Variants in EML4 observed in about 807,000 individuals in gnomAD.
EML4 encodes the protein EMAP like 4.
In EML4, 72 loss-of-function variants were observed where a neutral mutation model predicts 129.0. The observed-to-expected ratio is 0.56, with a 90% confidence interval of 0.46 to 0.68. The LOEUF (loss-of-function observed/expected upper bound fraction) is 0.68. EML4 is among the 30% of genes least tolerant of loss of function. The pLI, the probability that EML4 is intolerant of heterozygous loss-of-function variation, is 0.00. For synonymous variants in EML4, 532 were observed against 405.0 expected, an observed-to-expected ratio of 1.31 and a Z score of -3.77; for missense variants, 1,363 against 1,190.6, an observed-to-expected ratio of 1.14 and a Z score of -2.13.
chr2:42,328,679 G>T (rs1170931086), intron 21 of EML4, among the ~76,000 whole-genome samples: 3 of 152,116 alleles, frequency 2.0e-5, no homozygotes, highest in Non-Finnish European at 4.4e-5. Context: ...GGCTATTTTG[G>T]TTTTTTATTA....
chr2:42,275,252 TTTTCC>T (rs983305578), intron 6 of EML4, among the ~76,000 whole-genome samples: 2 of 152,200 alleles, frequency 1.3e-5, no homozygotes, highest in African/African-American at 4.8e-5. Context: ...GATATTTTAC[TTTTCC>T]TTTCATACTA....
chr2:42,326,841 C>T (rs1281043424), intron 21 of EML4, among the ~76,000 whole-genome samples: 1 of 152,160 alleles, frequency 6.6e-6, no homozygotes, highest in Non-Finnish European at 1.5e-5. Context: ...GAGATTGTGC[C>T]ACTGCACTCC....
At chr2:42,198,518 G>C (rs1672030036) in intron 1 of EML4, among the ~76,000 whole-genome samples, 2 of 151,994 alleles carry the variant, frequency 1.3e-5, no homozygotes, top group African/African-American at 2.4e-5. Context: ...TGGTCTTATG[G>C]GCAACATAGT....
intron 1 of EML4, among the ~76,000 whole-genome samples, chr2:42,183,031 C>T (rs1344258243): frequency 1.3e-5 from 2 of 152,100 alleles, no homozygotes; most frequent in Non-Finnish European, 1.5e-5. Context: ...TGGTGCACTC[C>T]TGTGATACCA....
intron 1 of EML4, among the ~76,000 whole-genome samples, chr2:42,214,608 A>C (rs1673074786): frequency 6.6e-6 from 1 of 152,204 alleles, no homozygotes; most frequent in South Asian, 2.1e-4. Flanking sequence ...TATATCCAGC[A>C]TTATTGTGGG....
intron 1 of EML4, among the ~76,000 whole-genome samples, chr2:42,227,473 CTTTTTTTTTT>C (rs201223334): frequency 7.5e-6 from 1 of 133,164 alleles, no homozygotes; most frequent in Non-Finnish European, 1.6e-5. Context: ...CCTGTTAAGG[CTTTTTTTTTT>C]TTTTTTTTAA....
At chr2:42,246,448 C>T (rs1040825828) in intron 2 of EML4, among the ~76,000 whole-genome samples, 3 of 152,166 alleles carry the variant, frequency 2.0e-5, no homozygotes, top group African/African-American at 4.8e-5. Flanking sequence ...CTTCCTACTT[C>T]GATGTCAATG....
Position 42,303,312 on chromosome 2 carries a change from C to T in EML4, c.1768-3C>T. The T allele has an allele frequency of 6.2e-7, 1 of 1,613,958 alleles. No homozygotes were observed. The highest frequency in any genetic ancestry group is 1.1e-5 in the South Asian group (1 of 91,046). On this transcript the variant is annotated splice_region_variant and splice_polypyrimidine_tract_variant and intron_variant, in intron 15 of 22. Transcript: ENST00000318522. ...TATAACAATGAGTGTCTTTCATTTT[C>T]AGGGTCATACAGATGAGCTTTGGGG...
chr2:42,224,997 A>G (rs1157842887), intron 1 of EML4, among the ~76,000 whole-genome samples: 2 of 152,222 alleles, frequency 1.3e-5, no homozygotes, highest in Admixed American at 1.3e-4. Flanking sequence ...TATAAGTGGA[A>G]ACATACAACA....
intron 1 of EML4, among the ~76,000 whole-genome samples, chr2:42,212,464 A>G (rs1264765878): frequency 6.6e-6 from 1 of 152,012 alleles, no homozygotes; most frequent in Admixed American, 6.6e-5. Flanking sequence ...TTAAAAGCAA[A>G]CTCGGCAGTA....
At chr2:42,200,137 A>G (rs1572529474) in intron 1 of EML4, among the ~76,000 whole-genome samples, 1 of 140,314 alleles carries the variant, frequency 7.1e-6, no homozygotes, top group Non-Finnish European at 1.5e-5. Flanking sequence ...GTGAAACCCC[A>G]TCTCTACTAA....
intron 1 of EML4, among the ~76,000 whole-genome samples, chr2:42,176,526 T>A (rs1167398440): frequency 6.6e-6 from 1 of 152,238 alleles, no homozygotes; most frequent in African/African-American, 2.4e-5. Flanking sequence ...CAAAATGACC[T>A]ATTTCTTATT....
intron 6 of EML4, among the ~76,000 whole-genome samples, chr2:42,279,776 CT>C (rs57713237): frequency 0.31 from 47,447 of 150,732 alleles, 8,572 homozygotes; most frequent in African/African-American, 0.49. Flanking sequence ...GCCCGGCTGT[CT>C]TTTTTTATTA....
intron 13 of EML4, among the ~76,000 whole-genome samples, chr2:42,299,792 G>A (rs1001883354): frequency 3.9e-5 from 6 of 152,114 alleles, no homozygotes; most frequent in South Asian, 2.1e-4. Context: ...AGGTTCAAGC[G>A]ATTCTCCTGC....
chr2:42,221,502 C>T (rs540234938), intron 1 of EML4, among the ~76,000 whole-genome samples: 7 of 146,750 alleles, frequency 4.8e-5, no homozygotes, highest in Admixed American at 1.4e-4. Context: ...CTCAATGTCC[C>T]GGGCCCAAGC....
chr2:42,328,882 A>T lies in EML4; in HGVS notation c.2342-4A>T, dbSNP rs2286700. ...TTCTGCATCCCTGTGTTTCCATATC[A>T]AAGGTGTCTGGCCAGAAGGATCTGA... On this transcript the variant is annotated splice_region_variant and splice_polypyrimidine_tract_variant and intron_variant, in intron 21 of 22. Coordinates refer to ENST00000318522, the MANE Select transcript of EML4 (RefSeq NM_019063.5). The T allele has an allele frequency of 0.26, 420,911 of 1,588,828 alleles. 60,717 individuals carry two copies. Among genetic ancestry groups the T allele is most frequent in the East Asian group, 0.55 (24,454 of 44,254 alleles).
intron 1 of EML4, among the ~76,000 whole-genome samples, chr2:42,188,853 A>G (rs2103886861): frequency 6.6e-6 from 1 of 152,244 alleles, no homozygotes; most frequent in East Asian, 1.9e-4. Flanking sequence ...TCAAGGGCCA[A>G]GCATGGTGGC....
intron 1 of EML4, among the ~76,000 whole-genome samples, chr2:42,224,990 A>G (rs1267282896): frequency 6.6e-6 from 1 of 152,098 alleles, no homozygotes; most frequent in African/African-American, 2.4e-5. Flanking sequence ...TACCTGGTAT[A>G]AGTGGAAACA....
intron 3 of EML4, among the ~76,000 whole-genome samples, chr2:42,257,610 C>T (rs943022944): frequency 2.0e-5 from 3 of 151,994 alleles, no homozygotes; most frequent in Non-Finnish European, 4.4e-5. Context: ...CTGAGGCGGG[C>T]GGATCACGAG....
Sources: gnomAD v4.1 joint callset for allele counts (sites outside exome capture counted in the v4.1 genomes callset) on GRCh38, gnomAD v4.1.1 for gene constraint, MANE v1.5 for transcripts, NCBI Gene and HGNC (gene_info 2026-07-23, HGNC 2026-07-21) for gene names.